Variants in ZFPM2 observed in about 807,000 individuals in gnomAD.
ZFPM2 encodes the protein zinc finger protein, FOG family member 2.
Under a neutral mutation model 98.6 loss-of-function variants are expected in ZFPM2, and 20 were observed. That is an observed-to-expected ratio of 0.20 (90% CI 0.14 to 0.29). ZFPM2 has a LOEUF of 0.29. Ranked by LOEUF, ZFPM2 falls within the 10% of genes least tolerant of loss-of-function variation. ZFPM2 has a pLI of 1.00. For missense variants in ZFPM2, 1,310 were observed against 1,388.6 expected (o/e 0.94, Z 0.90); for synonymous variants, 518 against 502.7 (o/e 1.03, Z -0.41).
intron 1 of ZFPM2, among the ~76,000 whole-genome samples, chr8:105,382,608 A>C (rs533496521): frequency 6.6e-6 from 1 of 152,254 alleles, no homozygotes; most frequent in African/African-American, 2.4e-5. Flanking sequence ...AATGGAAATG[A>C]AGACATTCTA....
At chr8:105,352,445 T>TA (rs1488075409) in intron 1 of ZFPM2, among the ~76,000 whole-genome samples, 7 of 152,212 alleles carry the variant, frequency 4.6e-5, no homozygotes, top group Non-Finnish European at 8.8e-5. Flanking sequence ...GCATTTATAT[T>TA]AACCCATTAG....
intron 4 of ZFPM2, among the ~76,000 whole-genome samples, chr8:105,597,187 T>C (rs1384150501): frequency 2.0e-5 from 3 of 152,106 alleles, no homozygotes; most frequent in Non-Finnish European, 2.9e-5. Flanking sequence ...GCCTGGGTTC[T>C]GTTTAAAATC....
At chr8:105,337,746 G>T (rs1469434617) in intron 1 of ZFPM2, among the ~76,000 whole-genome samples, 2 of 86,184 alleles carry the variant, frequency 2.3e-5, no homozygotes, top group African/African-American at 1.2e-4. Flanking sequence ...TTTGGTCATA[G>T]TTCATGTTTT....
intron 1 of ZFPM2, among the ~76,000 whole-genome samples, chr8:105,394,431 A>G (rs935768741): frequency 2.0e-5 from 3 of 152,210 alleles, no homozygotes; most frequent in African/African-American, 7.2e-5. Context: ...CAGTTTCAAA[A>G]AACAGTTACT....
At chr8:105,597,964 G>A (rs1816005593) in intron 4 of ZFPM2, among the ~76,000 whole-genome samples, 1 of 148,612 alleles carries the variant, frequency 6.7e-6, no homozygotes, top group Non-Finnish European at 1.5e-5. Context: ...GCTGGGGATT[G>A]TTATTTCAGT....
chr8:105,555,480 T>G (rs1452005461), intron 3 of ZFPM2, among the ~76,000 whole-genome samples: 5 of 151,758 alleles, frequency 3.3e-5, no homozygotes, highest in African/African-American at 1.2e-4. Flanking sequence ...CAACTTCAAT[T>G]GTACTAAAAT....
intron 4 of ZFPM2, among the ~76,000 whole-genome samples, chr8:105,579,097 T>C (rs116515097): frequency 6.6e-6 from 1 of 152,164 alleles, no homozygotes; most frequent in Non-Finnish European, 1.5e-5. Context: ...TTAATGACAA[T>C]GTAATTAAAG....
chr8:105,678,538 C>T (rs1309545811), intron 5 of ZFPM2: 1 of 152,202 alleles, frequency 6.6e-6, no homozygotes, highest in Non-Finnish European at 1.5e-5. Context: ...CTGGACACCA[C>T]ATATGAGGAA....
intron 3 of ZFPM2, among the ~76,000 whole-genome samples, chr8:105,500,929 T>C (rs893525820): frequency 6.6e-6 from 1 of 152,162 alleles, no homozygotes; most frequent in East Asian, 1.9e-4. Flanking sequence ...AAGAAAGATT[T>C]AGTCAAAATT....
chr8:105,468,658 C>A (rs1353207055), intron 3 of ZFPM2, among the ~76,000 whole-genome samples: 1 of 151,914 alleles, frequency 6.6e-6, no homozygotes, highest in Non-Finnish European at 1.5e-5. Flanking sequence ...TGCCCTATAC[C>A]TAAATCACCA....
chr8:105,500,252 T>C (rs1475221625), intron 3 of ZFPM2, among the ~76,000 whole-genome samples: 1 of 152,186 alleles, frequency 6.6e-6, no homozygotes, highest in Admixed American at 6.5e-5. Context: ...ATGCTAAATA[T>C]CGGCATGAAT....
At chr8:105,486,516 C>T (rs1305419947) in intron 3 of ZFPM2, among the ~76,000 whole-genome samples, 1 of 151,948 alleles carries the variant, frequency 6.6e-6, no homozygotes, top group Non-Finnish European at 1.5e-5. Flanking sequence ...GATAACTGTC[C>T]TAGGTATTTG....
chr8:105,733,539 G>C (rs1026610335), intron 5 of ZFPM2, among the ~76,000 whole-genome samples: 1 of 151,788 alleles, frequency 6.6e-6, no homozygotes, highest in African/African-American at 2.4e-5. Flanking sequence ...AGTTCACAGT[G>C]TATGAATTCA....
chr8:105,803,602 A>G lies in ZFPM2; in HGVS notation c.*64A>G. On this transcript the variant is annotated 3_prime_UTR_variant, in exon 8 of 8. Transcript: ENST00000407775. ...GTATGTTGTTCTAACCAGTCCAGAAAAAAAAATAAGCTGTTTGAATTACAT... is the reference window on the plus strand; with the variant it reads ...GTATGTTGTTCTAACCAGTCCAGAAGAAAAAATAAGCTGTTTGAATTACAT... 1.3e-6 allele frequency: 2 copies of G among 1,491,884 alleles called. No individual in the cohort carries two copies. Among genetic ancestry groups the G allele is most frequent in the East Asian group, 4.9e-5 (2 of 40,884 alleles). 92.4% of individuals were successfully genotyped at this position (1,491,884 alleles called of 1,614,324 possible). A position where few individuals can be genotyped will look rare whatever the true frequency, so the allele number is the denominator to read the frequency against.
At position 105,401,964 on chromosome 8, in the gene ZFPM2, G is replaced by A. The variant is rs75271656; in HGVS notation, c.41-17180G>A. 4.6e-3 allele frequency among the ~76,000 whole-genome samples: 698 copies of A among 152,066 alleles called. 6 individuals carry two copies. Among genetic ancestry groups the A allele is most frequent in the African/African-American group, 0.016 (646 of 41,524 alleles). On this transcript the variant is annotated intron_variant, in intron 1 of 7. Transcript: ENST00000407775. ...GCATGGTAACATGTAATTTTGTGGC[G>A]TAGGTATTAATCATGAATTGTGTTC...
At chr8:105,635,722 A>G (rs966716017) in intron 5 of ZFPM2, among the ~76,000 whole-genome samples, 8 of 152,234 alleles carry the variant, frequency 5.3e-5, no homozygotes, top group African/African-American at 1.4e-4. Flanking sequence ...CTTGTTGGGG[A>G]CAAATTTCTG....
At position 105,798,891 on chromosome 8, in the gene ZFPM2, T is replaced by C. The variant is rs1813916296; in HGVS notation, c.907T>C (p.Cys303Arg). ...QISSLCPFPQ[C>R]TKSFSNARAL... is the part of the protein sequence containing the mutation. ...TTCCAGCCTGTGCCCCTTCCCACAGTGCACCAAGAGCTTTTCAAATGCTCG... is the reference window on the plus strand; with the variant it reads ...TTCCAGCCTGTGCCCCTTCCCACAGCGCACCAAGAGCTTTTCAAATGCTCG... Residue 303 changes from cysteine to arginine, a missense_variant, in exon 7 of 8, where the codon TGC becomes CGC. Physicochemically the swap from Cys to Arg is radical, Grantham distance 180. Transcript: ENST00000407775. The C allele has an allele frequency of 6.2e-7, 1 of 1,613,838 alleles. No individual in the cohort carries two copies. The highest frequency in any genetic ancestry group is 1.3e-5 in the African/African-American group (1 of 74,910).
At chr8:105,363,533 G>C (rs1020759803) in intron 1 of ZFPM2, among the ~76,000 whole-genome samples, 2 of 151,950 alleles carry the variant, frequency 1.3e-5, no homozygotes, top group African/African-American at 4.8e-5. Context: ...ATCTCATATT[G>C]TCCTCACACT....
chr8:105,345,774 C>T (rs1563613870), intron 1 of ZFPM2, among the ~76,000 whole-genome samples: 1 of 151,980 alleles, frequency 6.6e-6, no homozygotes, highest in African/African-American at 2.4e-5. Flanking sequence ...GTTATAATCC[C>T]AGAATGAATT....
Sources: allele counts gnomAD v4.1 joint callset (sites outside exome capture counted in the v4.1 genomes callset), GRCh38; gene constraint gnomAD v4.1.1; transcripts MANE v1.5; gene names NCBI Gene and HGNC (gene_info 2026-07-23, HGNC 2026-07-21).